The following RANBP2 variants were observed in gnomAD, a reference collection of about 807,000 sequenced individuals.
RANBP2 encodes E3 SUMO-protein ligase RanBP2.
In RANBP2, 57 loss-of-function variants were observed where a neutral mutation model predicts 303.6. That is an observed-to-expected ratio of 0.19 (90% CI 0.15 to 0.23). RANBP2 has a LOEUF of 0.23. RANBP2 is among the 10% of genes least tolerant of loss of function. The pLI is 1.00. For synonymous variants in RANBP2, 1,167 were observed against 1,301.5 expected, an observed-to-expected ratio of 0.90 and a Z score of 2.23; for missense variants, 3,138 against 3,780.8, an observed-to-expected ratio of 0.83 and a Z score of 4.46.
At chr2:109,286,610 G>A in the RANBP2 span, among the ~76,000 whole-genome samples, 8 of 152,288 alleles carry the variant, frequency 5.3e-5, no homozygotes, top group South Asian at 1.5e-3. Flanking sequence ...CATGGTGAGG[G>A]GAGCTTCCAC....
chr2:109,189,266 G>A, the RANBP2 span, among the ~76,000 whole-genome samples: 1 of 151,854 alleles, frequency 6.6e-6, no homozygotes, highest in East Asian at 1.9e-4. Flanking sequence ...AGCTTGATCT[G>A]GAGTTACCTG....
At chr2:109,170,066 G>A in the RANBP2 span, among the ~76,000 whole-genome samples, 1 of 152,030 alleles carries the variant, frequency 6.6e-6, no homozygotes, top group Admixed American at 6.6e-5. Flanking sequence ...TGGCATTTTG[G>A]CCAAAACACT....
chr2:109,173,754 T>C, the RANBP2 span, among the ~76,000 whole-genome samples: 1 of 152,158 alleles, frequency 6.6e-6, no homozygotes. Context: ...GGGACTGTGG[T>C]AGCCTGCCTG....
At chr2:109,271,865 G>A in the RANBP2 span, among the ~76,000 whole-genome samples, 2 of 152,316 alleles carry the variant, frequency 1.3e-5, no homozygotes, top group African/African-American at 2.4e-5. Context: ...TATTGAATGC[G>A]GCTAGAATCA....
the RANBP2 span, among the ~76,000 whole-genome samples, chr2:108,853,539 T>C: frequency 6.6e-6 from 1 of 151,156 alleles, no homozygotes; most frequent in African/African-American, 2.4e-5. Flanking sequence ...TTTTTTTTTT[T>C]TTTGAGAGAT....
chr2:108,814,488 T>A, the RANBP2 span, among the ~76,000 whole-genome samples: 1 of 152,088 alleles, frequency 6.6e-6, no homozygotes, highest in Non-Finnish European at 1.5e-5. Context: ...TTGAAAAAAA[T>A]TGAGAAAGTG....
At chr2:109,272,201 T>A in the RANBP2 span, among the ~76,000 whole-genome samples, 1 of 152,226 alleles carries the variant, frequency 6.6e-6, no homozygotes, top group Non-Finnish European at 1.5e-5. Context: ...CCCTCTGCAA[T>A]GACTGTCTGA....
chr2:109,463,748 T>A, the RANBP2 span, among the ~76,000 whole-genome samples: 2 of 152,310 alleles, frequency 1.3e-5, no homozygotes, highest in East Asian at 3.9e-4. Context: ...TGCAAATGTT[T>A]GTTTTAGGAA....
chr2:108,948,160 C>G, the RANBP2 span, among the ~76,000 whole-genome samples: 1 of 152,226 alleles, frequency 6.6e-6, no homozygotes, highest in Admixed American at 6.5e-5. Context: ...TGCCACCAGT[C>G]TCTTTGCTAA....
the RANBP2 span, chr2:109,449,319 A>G: frequency 8.1e-6 from 13 of 1,606,690 alleles, no homozygotes; most frequent in Admixed American, 5.1e-5. Flanking sequence ...CCCGGTGCAG[A>G]TGTGCCCACG....
the RANBP2 span, among the ~76,000 whole-genome samples, chr2:109,715,139 G>A: frequency 9.2e-5 from 14 of 151,496 alleles, no homozygotes; most frequent in Non-Finnish European, 4.4e-5. Flanking sequence ...AGCTAATTTT[G>A]TATTTTTAGT....
the RANBP2 span, among the ~76,000 whole-genome samples, chr2:109,408,182 C>T: frequency 5.9e-5 from 9 of 152,276 alleles, no homozygotes; most frequent in East Asian, 1.5e-3. Context: ...GAATGCCCAC[C>T]GGTAGGCCCC....
the RANBP2 span, among the ~76,000 whole-genome samples, chr2:109,165,195 G>T: frequency 3.8e-5 from 2 of 53,322 alleles, no homozygotes; most frequent in African/African-American, 1.1e-4. Context: ...ACCCTCAAAA[G>T]CTGAGGGAAG....
chr2:108,891,028 A>C, the RANBP2 span, among the ~76,000 whole-genome samples: 1 of 152,148 alleles, frequency 6.6e-6, no homozygotes, highest in Admixed American at 6.5e-5. Context: ...TTTAAAAAAA[A>C]TCTATCTCTT....
At chr2:109,642,660 A>C in the RANBP2 span, among the ~76,000 whole-genome samples, 4 of 151,962 alleles carry the variant, frequency 2.6e-5, no homozygotes, top group African/African-American at 4.8e-5. Context: ...CTCAAATAAA[A>C]AAAAAAAAAG....
chr2:108,898,009 G>A, the RANBP2 span, among the ~76,000 whole-genome samples: 88 of 152,134 alleles, frequency 5.8e-4, no homozygotes, highest in African/African-American at 1.7e-3. Context: ...CCAAAAATCT[G>A]GAAATAATAG....
At chr2:109,415,832 G>A in the RANBP2 span, among the ~76,000 whole-genome samples, 1 of 152,158 alleles carries the variant, frequency 6.6e-6, no homozygotes. Flanking sequence ...TGTCCCCTCT[G>A]AAATTCATGT....
chr2:109,018,162 A>C, the RANBP2 span, among the ~76,000 whole-genome samples: 114 of 152,330 alleles, frequency 7.5e-4, no homozygotes, highest in African/African-American at 2.5e-3. Flanking sequence ...CATCCTATCC[A>C]TGACGACTTC....
chr2:108,788,964 T>C (rs759060426), downstream of RANBP2: 19 of 1,613,856 alleles, frequency 1.2e-5, no homozygotes, highest in Non-Finnish European at 1.4e-5. Context: ...TAAATGTGAA[T>C]TGGTAAAGTA....
Sources: gnomAD v4.1 joint callset for allele counts (sites outside exome capture counted in the v4.1 genomes callset) on GRCh38, gnomAD v4.1.1 for gene constraint, MANE v1.5 for transcripts, NCBI Gene and HGNC (gene_info 2026-07-23, HGNC 2026-07-21) for gene names.